Variants in CNTN5 observed in about 807,000 individuals in gnomAD.
The protein encoded by CNTN5 is contactin-5.
CNTN5 carries 77 observed loss-of-function variants against 129.1 expected under a neutral mutation model. That is an observed-to-expected ratio of 0.60 (90% CI 0.50 to 0.72). The LOEUF (loss-of-function observed/expected upper bound fraction) is 0.72, where lower values mean the gene tolerates loss of function less well. Ranked by LOEUF, CNTN5 falls within the 30% of genes least tolerant of loss-of-function variation. CNTN5 has a pLI of 0.00. For missense variants in CNTN5, 1,478 were observed against 1,328.8 expected, an observed-to-expected ratio of 1.11 and a Z score of -1.75; for synonymous variants, 509 against 465.6, an observed-to-expected ratio of 1.09 and a Z score of -1.20.
At chr11:99,608,677 T>A (rs559693103) in intron 3 of CNTN5, among the ~76,000 whole-genome samples, 19 of 152,308 alleles carry the variant, frequency 1.2e-4, no homozygotes, top group African/African-American at 4.6e-4. Flanking sequence ...CCTCCAGAAC[T>A]GTGAGATGCT....
At chr11:99,467,953 T>G (rs892246144) in intron 2 of CNTN5, among the ~76,000 whole-genome samples, 2 of 152,146 alleles carry the variant, frequency 1.3e-5, no homozygotes, top group African/African-American at 4.8e-5. Flanking sequence ...TCTTCATTCC[T>G]GTTATATATA....
intron 2 of CNTN5, among the ~76,000 whole-genome samples, chr11:99,512,565 C>T (rs541432785): frequency 7.9e-5 from 12 of 152,258 alleles, no homozygotes; most frequent in Middle Eastern, 6.8e-3. Flanking sequence ...CTGTGTCCAG[C>T]AAGTCTGTTA....
At chr11:99,359,021 C>A (rs572053878) in intron 2 of CNTN5, among the ~76,000 whole-genome samples, 1 of 152,218 alleles carries the variant, frequency 6.6e-6, no homozygotes, top group East Asian at 1.9e-4. Flanking sequence ...TCTTGTTGAA[C>A]ATTTTCATTT....
At chr11:99,706,977 C>G (rs1384575386) in intron 3 of CNTN5, among the ~76,000 whole-genome samples, 2 of 151,126 alleles carry the variant, frequency 1.3e-5, no homozygotes, top group African/African-American at 4.8e-5. Flanking sequence ...TAATCACATT[C>G]CCACCAGGCA....
At chr11:99,071,378 T>C (rs867223860) in intron 1 of CNTN5, among the ~76,000 whole-genome samples, 2 of 152,066 alleles carry the variant, frequency 1.3e-5, no homozygotes, top group Non-Finnish European at 2.9e-5. Flanking sequence ...CATTAAATTA[T>C]GCATAAACTA....
chr11:100,055,297 A>G (rs1943166809), intron 9 of CNTN5, among the ~76,000 whole-genome samples: 1 of 151,534 alleles, frequency 6.6e-6, no homozygotes, highest in South Asian at 2.1e-4. Flanking sequence ...TTTTTTCATT[A>G]CATGCTCTTT....
intron 20 of CNTN5, among the ~76,000 whole-genome samples, chr11:100,305,150 A>T (rs1951318892): frequency 1.3e-5 from 2 of 151,568 alleles, no homozygotes; most frequent in Non-Finnish European, 3.0e-5. Flanking sequence ...CAGAGGAAAG[A>T]GCATTTGAGA....
At chr11:100,206,124 A>C (rs906314334) in intron 15 of CNTN5, among the ~76,000 whole-genome samples, 4 of 152,108 alleles carry the variant, frequency 2.6e-5, no homozygotes. Context: ...AGCTGAGTCA[A>C]AGGTACACAT....
chr11:100,327,558 C>A (rs1262260390), intron 21 of CNTN5, among the ~76,000 whole-genome samples: 15 of 152,170 alleles, frequency 9.9e-5, no homozygotes, highest in Admixed American at 6.5e-4. Flanking sequence ...TTCCCATAAA[C>A]CTCTGATCAA....
At chr11:99,122,156 G>A (rs548293993) in intron 1 of CNTN5, among the ~76,000 whole-genome samples, 2 of 151,724 alleles carry the variant, frequency 1.3e-5, no homozygotes, top group Admixed American at 6.6e-5. Flanking sequence ...CACTTTTTAT[G>A]TTCTTTTTTC....
At position 99,838,994 on chromosome 11, in the gene CNTN5, CCAAGTAGGTTTGGAAAAATTCTTCA is replaced by C. The variant is rs570260721; in HGVS notation, c.278-5827_278-5803del. Reference sequence around the variant, plus strand: ...TTGTGGACATATCTTTTAAACTAACCCAAGTAGGTTTGGAAAAATTCTTCACAAGTAGGTTTGGAAAAATTCTTCA... The same window carrying C: ...TTGTGGACATATCTTTTAAACTAACCCAAGTAGGTTTGGAAAAATTCTTCA... On this transcript the variant is annotated intron_variant, in intron 4 of 24. Transcript: ENST00000524871. Among the ~76,000 whole-genome samples the C allele has an allele frequency of 3.5e-4, 53 of 151,972 alleles. 1 individual carries two copies. The South Asian group carries it at 7.9e-3, about 23-fold the overall frequency.
At chr11:99,624,609 T>C (rs909312886) in intron 3 of CNTN5, among the ~76,000 whole-genome samples, 2 of 152,184 alleles carry the variant, frequency 1.3e-5, no homozygotes, top group African/African-American at 4.8e-5. Context: ...TGACTAAAGT[T>C]CATTTTAGCT....
intron 3 of CNTN5, among the ~76,000 whole-genome samples, chr11:99,678,634 G>A (rs555768974): frequency 6.6e-6 from 1 of 152,160 alleles, no homozygotes; most frequent in African/African-American, 2.4e-5. Flanking sequence ...CTGTGAGTGT[G>A]GGAGGGAAGG....
rs190556121 is a variant in CNTN5, at chr11:100,073,166, C to T, written c.1430-978C>T. 1.9e-4 allele frequency among the ~76,000 whole-genome samples: 29 copies of T among 152,064 alleles called. No homozygotes were observed. In the East Asian group the frequency reaches 4.8e-3, roughly 25 times the overall value. ...GGTTCAAGCGATTCTCTTGCCTCAG[C>T]GTCCCAAGTAGCTGAGACTACAGGC... On this transcript the variant is annotated intron_variant, in intron 12 of 24. Transcript: ENST00000524871.
intron 3 of CNTN5, among the ~76,000 whole-genome samples, chr11:99,754,809 T>A (rs1944355259): frequency 6.6e-6 from 1 of 152,164 alleles, no homozygotes. Flanking sequence ...TCACTCTTGG[T>A]GATGCACATT....
chr11:99,978,660 C>T (rs1227316462), intron 8 of CNTN5, among the ~76,000 whole-genome samples: 1 of 152,150 alleles, frequency 6.6e-6, no homozygotes, highest in Admixed American at 6.6e-5. Flanking sequence ...ACCATATAGC[C>T]GAGGTATGAA....
chr11:99,563,317 T>C (rs1365008655), intron 3 of CNTN5, among the ~76,000 whole-genome samples: 5 of 152,164 alleles, frequency 3.3e-5, no homozygotes, highest in African/African-American at 9.7e-5. Context: ...AATTAGACAA[T>C]TATTGTCAAA....
intron 1 of CNTN5, among the ~76,000 whole-genome samples, chr11:99,085,030 A>T (rs1865946716): frequency 6.6e-6 from 1 of 151,856 alleles, no homozygotes; most frequent in Non-Finnish European, 1.5e-5. Flanking sequence ...TAAGAAAGTT[A>T]CATATTCACT....
chr11:99,449,350 C>A (rs1024372579), intron 2 of CNTN5, among the ~76,000 whole-genome samples: 1 of 152,168 alleles, frequency 6.6e-6, no homozygotes, highest in African/African-American at 2.4e-5. Context: ...TAATCTTCCT[C>A]TGCAATCTGT....
Sources: allele counts gnomAD v4.1 joint callset (sites outside exome capture counted in the v4.1 genomes callset), GRCh38; gene constraint gnomAD v4.1.1; transcripts MANE v1.5; gene names NCBI Gene and HGNC (gene_info 2026-07-23, HGNC 2026-07-21).